The following HTR4 variants were observed in gnomAD, a reference collection of about 807,000 sequenced individuals.
The protein encoded by HTR4 is 5-hydroxytryptamine (serotonin) receptor 4, G protein-coupled.
Under a neutral mutation model 36.8 loss-of-function variants are expected in HTR4, and 16 were observed. The ratio of observed to expected loss-of-function variants is 0.43; its 90% CI spans 0.29 to 0.66. The LOEUF (loss-of-function observed/expected upper bound fraction) is 0.66, where lower values mean the gene tolerates loss of function less well. Among genes scored for constraint, HTR4 ranks in the 30% least tolerant of loss-of-function variants. HTR4 has a pLI of 0.13. For missense variants in HTR4, 438 were observed against 490.9 expected (o/e 0.89, Z 1.02); for synonymous variants, 189 against 185.1 (o/e 1.02, Z -0.17).
chr5:148,593,464 G>A (rs1386456013), intron 2 of HTR4, among the ~76,000 whole-genome samples: 1 of 152,102 alleles, frequency 6.6e-6, no homozygotes, highest in African/African-American at 2.4e-5. Context: ...CATCATTAAT[G>A]TCTCATATTT....
intron 4 of HTR4, among the ~76,000 whole-genome samples, chr5:148,542,135 A>G (rs973347452): frequency 6.6e-6 from 1 of 152,182 alleles, no homozygotes; most frequent in Non-Finnish European, 1.5e-5. Context: ...GCACTCCATA[A>G]ATGTTTGATG....
At chr5:148,642,138 C>T (rs1334779307) in intron 1 of HTR4, among the ~76,000 whole-genome samples, 5 of 152,218 alleles carry the variant, frequency 3.3e-5, no homozygotes, top group African/African-American at 9.6e-5. Flanking sequence ...AAGACATATC[C>T]CAATACCTTT....
At chr5:148,500,292 TG>T (rs991247349) in intron 6 of HTR4, among the ~76,000 whole-genome samples, 6 of 151,804 alleles carry the variant, frequency 4.0e-5, no homozygotes, top group Non-Finnish European at 8.8e-5. Context: ...AAGTTATAGA[TG>T]GTGAATGTAT....
chr5:148,494,731 T>C (rs1756610085), intron 6 of HTR4, among the ~76,000 whole-genome samples: 1 of 152,232 alleles, frequency 6.6e-6, no homozygotes, highest in African/African-American at 2.4e-5. Flanking sequence ...TTTACAATCA[T>C]GAGAATTTTC....
chr5:148,580,816 T>C (rs1227884962), intron 2 of HTR4, among the ~76,000 whole-genome samples: 1 of 152,110 alleles, frequency 6.6e-6, no homozygotes, highest in African/African-American at 2.4e-5. Flanking sequence ...CTGAATATTG[T>C]TGCCATGAAC....
intron 1 of HTR4, among the ~76,000 whole-genome samples, chr5:148,637,501 C>A (rs1181164363): frequency 6.6e-6 from 1 of 152,032 alleles, no homozygotes; most frequent in African/African-American, 2.4e-5. Context: ...ATCACAGATT[C>A]TTTTGAGAAT....
intron 4 of HTR4, among the ~76,000 whole-genome samples, chr5:148,540,446 AT>A (rs1561606537): frequency 6.4e-4 from 69 of 107,530 alleles, no homozygotes; most frequent in Non-Finnish European, 8.2e-4. Context: ...ATATATATAT[AT>A]AATCTTATAT....
At chr5:148,579,390 G>A (rs766019947) in intron 2 of HTR4, among the ~76,000 whole-genome samples, 13 of 151,942 alleles carry the variant, frequency 8.6e-5, no homozygotes, top group Admixed American at 3.3e-4. Context: ...AATTCCCTAC[G>A]TTAAGAGAGA....
intron 6 of HTR4, among the ~76,000 whole-genome samples, chr5:148,491,491 T>C (rs1446365284): frequency 1.3e-5 from 2 of 152,162 alleles, no homozygotes; most frequent in Non-Finnish European, 2.9e-5. Flanking sequence ...GCAGGGTTTC[T>C]TAACCTCGGC....
intron 2 of HTR4, among the ~76,000 whole-genome samples, chr5:148,590,391 C>T (rs1044250239): frequency 2.9e-5 from 4 of 139,528 alleles, no homozygotes; most frequent in African/African-American, 5.6e-5. Context: ...CTCCACCTCC[C>T]GGTTTCAAGG....
intron 5 of HTR4, among the ~76,000 whole-genome samples, chr5:148,466,698 T>G (rs1216597091): frequency 6.6e-6 from 1 of 152,232 alleles, no homozygotes; most frequent in Non-Finnish European, 1.5e-5. Flanking sequence ...TTACAGTGAA[T>G]AGCAAATGAA....
intron 5 of HTR4, among the ~76,000 whole-genome samples, chr5:148,452,528 G>A (rs1053043842): frequency 1.3e-5 from 2 of 152,138 alleles, no homozygotes; most frequent in African/African-American, 2.4e-5. Flanking sequence ...AGTGTTGTAC[G>A]ATACATAGCA....
downstream of HTR4, among the ~76,000 whole-genome samples, chr5:148,471,937 A>T (rs564825552): frequency 1.3e-5 from 2 of 152,354 alleles, no homozygotes; most frequent in South Asian, 2.1e-4. Context: ...AGGGAAACAC[A>T]AAAAGTTGCT....
intron 6 of HTR4, among the ~76,000 whole-genome samples, chr5:148,491,879 G>A (rs546156727): frequency 1.3e-5 from 2 of 152,194 alleles, no homozygotes; most frequent in African/African-American, 2.4e-5. Flanking sequence ...ACCCTGCTGC[G>A]CACTCAAGCT....
intron 5 of HTR4, among the ~76,000 whole-genome samples, chr5:148,513,088 T>C (rs1312219698): frequency 6.6e-6 from 1 of 151,984 alleles, no homozygotes; most frequent in Non-Finnish European, 1.5e-5. Context: ...TCCCAGGCTC[T>C]AGCAATTCTC....
intron 5 of HTR4, among the ~76,000 whole-genome samples, chr5:148,462,109 G>C (rs1232320905): frequency 1.3e-5 from 2 of 151,864 alleles, no homozygotes; most frequent in African/African-American, 4.8e-5. Context: ...AATTTAGGAA[G>C]TTAGAAAAAG....
intron 6 of HTR4, among the ~76,000 whole-genome samples, chr5:148,501,587 C>T (rs1006382022): frequency 1.3e-5 from 2 of 152,192 alleles, no homozygotes; most frequent in African/African-American, 2.4e-5. Flanking sequence ...GTTCCTATTA[C>T]ATATCAGACA....
Position 148,654,146 on chromosome 5 carries a change from G to A in HTR4, c.-132C>T, listed in dbSNP as rs1413873636. 3.0e-6 allele frequency: 3 copies of A among 985,664 alleles called. No individual in the cohort carries two copies. Among genetic ancestry groups the A allele is most frequent in the Admixed American group, 1.2e-4 (2 of 16,276 alleles). 61.1% of individuals were successfully genotyped at this position (985,664 alleles called of 1,614,324 possible). A position where few individuals can be genotyped will look rare whatever the true frequency, so the allele number is the denominator to read the frequency against. On this transcript the variant is annotated 5_prime_UTR_variant, in exon 1 of 7. Coordinates refer to ENST00000377888, the MANE Select transcript of HTR4 (RefSeq NM_000870.7). ...GCTGAGCCGAGCTTCTGCTGCCGCC[G>A]CTGCCGCTGCGCTCCCAGCCGCTGC... is the stretch of plus-strand genomic sequence containing the variant.
chr5:148,521,081 A>G (rs1757991216), intron 5 of HTR4: 3 of 1,258,170 alleles, frequency 2.4e-6, no homozygotes. Flanking sequence ...CACTTCCCAC[A>G]TCTCGATGTA....
Sources: allele counts gnomAD v4.1 joint callset (sites outside exome capture counted in the v4.1 genomes callset), GRCh38; gene constraint gnomAD v4.1.1; transcripts MANE v1.5; gene names NCBI Gene and HGNC (gene_info 2026-07-23, HGNC 2026-07-21).